NBPF12: variants seen among roughly 807,000 people sequenced by gnomAD.
NBPF12 encodes the protein NBPF family member NBPF12.
Under a neutral mutation model 146.4 loss-of-function variants are expected in NBPF12, and 115 were observed. The ratio of observed to expected loss-of-function variants is 0.79; its 90% CI spans 0.68 to 0.92. The LOEUF (loss-of-function observed/expected upper bound fraction) is 0.92. Among genes scored for constraint, NBPF12 ranks in the 40% least tolerant of loss-of-function variants. NBPF12 has a pLI of 0.00. For synonymous variants in NBPF12, 385 were observed against 508.9 expected, an observed-to-expected ratio of 0.76 and a Z score of 3.28; for missense variants, 1,205 against 1,326.8, an observed-to-expected ratio of 0.91 and a Z score of 1.43.
rs1445408913 is a variant in NBPF12 at position 146,971,041 on chromosome 1, C to A, written c.1380-142C>A. 47 of 1,311,836 alleles carry A rather than the reference C, an allele frequency of 3.6e-5. 2 individuals are homozygous for A. The African/African-American group carries it at 6.6e-4, about 18-fold the overall frequency. The allele number at this position is 1,311,836 out of a possible 1,614,324, so 81.3% of individuals were successfully genotyped here. A position where few individuals can be genotyped will look rare whatever the true frequency, so the allele number is the denominator to read the frequency against. ...TCTGTTGCAGAGAGAAGAGGATTGCCTGTTCCCTCTTAAAGGGAACCTCCA... is the reference window on the plus strand; with the variant it reads ...TCTGTTGCAGAGAGAAGAGGATTGCATGTTCCCTCTTAAAGGGAACCTCCA... On this transcript the variant is annotated intron_variant, in intron 12 of 33. Transcript: ENST00000617844.
intron 13 of NBPF12, among the ~76,000 whole-genome samples, chr1:146,972,171 G>A (rs1481392194): frequency 6.6e-6 from 1 of 150,774 alleles, no homozygotes; most frequent in Admixed American, 6.6e-5. Flanking sequence ...GAGGTAGGTG[G>A]AACACCTGAG....
At chr1:146,961,118 C>A (rs1464040593) in intron 4 of NBPF12, among the ~76,000 whole-genome samples, 1 of 152,032 alleles carries the variant, frequency 6.6e-6, no homozygotes, top group Admixed American at 6.5e-5. Context: ...TGCACTCCAG[C>A]ATGGGTGACA....
At chr1:146,977,497 C>A in exon 18 of NBPF12, 1 of 1,610,468 alleles carries the variant, frequency 6.2e-7, no homozygotes, top group South Asian at 1.1e-5. Flanking sequence ...AAAGGAAGTC[C>A]CTGAGGACTC....
chr1:146,994,332 G>T (rs1658394061), exon 34 of NBPF12: 16 of 1,611,444 alleles, frequency 9.9e-6, no homozygotes, highest in Non-Finnish European at 8.5e-6. Context: ...CCTTTTCCAG[G>T]CTCAACAGCG....
At chr1:146,963,379 C>T (rs1655983166) in intron 6 of NBPF12, 70 bp downstream of exon 9, 5 of 1,591,456 alleles carry the variant, frequency 3.1e-6, no homozygotes, top group Non-Finnish European at 4.3e-6. Context: ...TCCATACTTT[C>T]ATGATGACAG....
In NBPF12 at chr1:146,966,233, G is replaced by A. The variant is rs1161112214; in HGVS notation, c.779-231G>A. 2.0e-4 allele frequency among the ~76,000 whole-genome samples: 31 copies of A among 151,940 alleles called. No individual in the cohort carries two copies. The East Asian group carries it at 5.2e-3, about 26-fold the overall frequency. On this transcript the variant is annotated intron_variant, in intron 8 of 33. Transcript: ENST00000617844. ...GGGCCAAGCCTTGCTTTATAGAAAC[G>A]TATAAGCAAGAAAAGTGTAGAAGTG...
chr1:146,981,046 C>T (rs1376745288), intron 19 of NBPF12, among the ~76,000 whole-genome samples: 12 of 136,516 alleles, frequency 8.8e-5, no homozygotes, highest in African/African-American at 2.8e-4. Context: ...AACCAAATAC[C>T]GCATGTTCTT....
Position 146,994,400 on chromosome 1 carries a change from C to T in NBPF12, c.4199C>T (p.Ser1400Leu), listed in dbSNP as rs200985386. 463 of 1,612,292 alleles carry T rather than the reference C, an allele frequency of 2.9e-4. 2 individuals carry two copies. Among genetic ancestry groups the T allele is most frequent in the Admixed American group, 2.3e-4 (14 of 59,984 alleles). Residue 1400 changes from serine (S) to leucine (L), a missense_variant, in exon 34 of 34, where the codon TCG (serine) becomes TTG (leucine). Coordinates refer to ENST00000617844, the Ensembl canonical transcript of NBPF12. Reference sequence around the variant, plus strand: ...CAGGACTCACTGGATAGATGTTATTCGACTCCATCAATGTACTTTGAACTA... The same window carrying T: ...CAGGACTCACTGGATAGATGTTATTTGACTCCATCAATGTACTTTGAACTA...
chr1:146,945,374 G>A (rs1439517854), upstream of NBPF12, among the ~76,000 whole-genome samples: 3 of 150,906 alleles, frequency 2.0e-5, no homozygotes, highest in African/African-American at 7.3e-5. Flanking sequence ...ACCAAGTTCT[G>A]CCCACCTAGA....
upstream of NBPF12, among the ~76,000 whole-genome samples, chr1:146,946,460 A>G (rs1453330972): frequency 8.0e-6 from 1 of 125,150 alleles, no homozygotes; most frequent in Non-Finnish European, 1.7e-5. Context: ...TCTTTCTCAT[A>G]TGCTTATTTG....
chr1:146,953,268 C>G (rs1328039150), intron 2 of NBPF12, among the ~76,000 whole-genome samples: 4 of 137,084 alleles, frequency 2.9e-5, no homozygotes, highest in Admixed American at 2.3e-4. Context: ...GGGAAATCTA[C>G]TAAGAAGTCA....
At chr1:146,948,841 G>T (rs1213971841), upstream of NBPF12, among the ~76,000 whole-genome samples, 5 of 151,584 alleles carry the variant, frequency 3.3e-5, no homozygotes, top group Middle Eastern at 3.4e-3. Flanking sequence ...GGAATGTCTC[G>T]GTGTAAAGCC....
intron 9 of NBPF12, among the ~76,000 whole-genome samples, chr1:146,967,146 G>A (rs2101863126): frequency 6.6e-6 from 1 of 150,746 alleles, no homozygotes; most frequent in East Asian, 1.9e-4. Context: ...CCCGCTCTGA[G>A]GGGCTTCAAG....
chr1:146,974,327 G>A, intron 14 of NBPF12, among the ~76,000 whole-genome samples: 1 of 141,270 alleles, frequency 7.1e-6, no homozygotes, highest in East Asian at 2.1e-4. Flanking sequence ...CCCAGTAAAA[G>A]GGAAACCATC....
intron 12 of NBPF12, among the ~76,000 whole-genome samples, chr1:146,970,923 G>T (rs1190039847): frequency 1.3e-5 from 2 of 151,338 alleles, no homozygotes; most frequent in African/African-American, 4.9e-5. Context: ...ACCATACAGG[G>T]ATAGCTGAGT....
chr1:146,978,260 A>ATTT (rs1187524068), intron 18 of NBPF12, among the ~76,000 whole-genome samples: 2,872 of 83,766 alleles, frequency 0.034, 210 homozygotes, highest in African/African-American at 0.075. Flanking sequence ...AGCGTCGTAG[A>ATTT]TTTTTTTTTT....
rs1377979597 is a variant in NBPF12 at position 146,962,069 on chromosome 1, C to G, written c.176-92C>G. 7 of 1,147,566 alleles carry G rather than the reference C, an allele frequency of 6.1e-6. No homozygotes were observed. The Admixed American group carries it at 8.6e-5, about 14-fold the overall frequency. The allele number at this position is 1,147,566 out of a possible 1,614,324, so 71.1% of individuals were successfully genotyped here. A position where few individuals can be genotyped will look rare whatever the true frequency, so the allele number is the denominator to read the frequency against. ...CCCTGGTACTGGGGAGAGTTTTGTC[C>G]TTGGGATGGACCTGGCTCCTGCCCT... On this transcript the variant is annotated intron_variant, in intron 4 of 33. Coordinates refer to ENST00000617844, the Ensembl canonical transcript of NBPF12.
chr1:146,968,633 C>A (rs1656359988), intron 10 of NBPF12, 83 bp downstream of exon 13: 17 of 1,283,674 alleles, frequency 1.3e-5, no homozygotes, highest in Non-Finnish European at 1.9e-5. Flanking sequence ...GACTTAAGAG[C>A]TAAGCTGGGC....
At chr1:146,950,121 C>T (rs1287394000) in intron 1 of NBPF12, among the ~76,000 whole-genome samples, 4 of 152,168 alleles carry the variant, frequency 2.6e-5, no homozygotes, top group South Asian at 2.1e-4. Context: ...CAGTAGGACA[C>T]GCACATTCCC....
Sources: allele counts gnomAD v4.1 joint callset (sites outside exome capture counted in the v4.1 genomes callset), GRCh38; gene constraint gnomAD v4.1.1; transcripts MANE v1.5; gene names NCBI Gene and HGNC (gene_info 2026-07-23, HGNC 2026-07-21).